DNAH11: variants seen among roughly 807,000 people sequenced by gnomAD.
DNAH11 encodes axonemal beta dynein heavy chain 11.
A neutral mutation model predicts 526.0 loss-of-function variants in DNAH11; 442 were observed. The ratio of observed to expected loss-of-function variants is 0.84; its 90% CI spans 0.78 to 0.91. The LOEUF is 0.91. Among genes scored for constraint, DNAH11 ranks in the 40% least tolerant of loss-of-function variants. The pLI, the probability that DNAH11 is intolerant of heterozygous loss-of-function variation, is 0.00. For missense variants in DNAH11, 6,989 were observed against 5,448.7 expected (o/e 1.28, Z -8.90); for synonymous variants, 2,461 against 1,935.9 (o/e 1.27, Z -7.12).
chr7:21,792,869 G>C (rs1788536377), intron 61 of DNAH11, among the ~76,000 whole-genome samples: 1 of 151,776 alleles, frequency 6.6e-6, no homozygotes, highest in African/African-American at 2.4e-5. Flanking sequence ...TTTAGTCTCA[G>C]TCATTTATTT....
intron 45 of DNAH11, among the ~76,000 whole-genome samples, chr7:21,735,131 C>T (rs1785546406): frequency 6.6e-6 from 1 of 152,202 alleles, no homozygotes; most frequent in African/African-American, 2.4e-5. Flanking sequence ...GATCATGCCA[C>T]TGCACTCCAG....
intron 27 of DNAH11, among the ~76,000 whole-genome samples, chr7:21,638,726 G>GTGTA (rs1786983150): frequency 6.7e-6 from 1 of 149,716 alleles, no homozygotes; most frequent in South Asian, 2.1e-4. Context: ...GTGTGTGTGT[G>GTGTA]TGTGTGTATT....
At chr7:21,556,774 A>G (rs1051301866) in intron 2 of DNAH11, among the ~76,000 whole-genome samples, 1 of 152,144 alleles carries the variant, frequency 6.6e-6, no homozygotes, top group Non-Finnish European at 1.5e-5. Context: ...AAGTGAGAAC[A>G]TGCATGGCCA....
chr7:21,825,772 A>G (rs189643870), intron 65 of DNAH11, among the ~76,000 whole-genome samples: 1 of 152,210 alleles, frequency 6.6e-6, no homozygotes, highest in Non-Finnish European at 1.5e-5. Flanking sequence ...AACCTGGCGA[A>G]CACGGTGAAA....
Position 21,655,974 on chromosome 7 carries a change from T to A in DNAH11, c.5087T>A (p.Val1696Glu), listed in dbSNP as rs781408519. The A allele has an allele frequency of 1.3e-6, 2 of 1,598,406 alleles. No individual in the cohort carries two copies. Among genetic ancestry groups the A allele is most frequent in the Non-Finnish European group, 1.7e-6 (2 of 1,170,606 alleles). Residue 1696 changes from valine (V) to glutamate (E), a missense_variant, in exon 29 of 82, where the codon GTG becomes GAG. Coordinates refer to ENST00000409508, the MANE Select transcript of DNAH11 (RefSeq NM_001277115.2). Reference sequence around the variant, plus strand: ...CCATTCCAAGCCGAGTGTGAATGTGTGGGCCATGTAAGATTTGATTATGAG... The same window carrying A: ...CCATTCCAAGCCGAGTGTGAATGTGAGGGCCATGTAAGATTTGATTATGAG... ...YVPFQAECEC[V>E]GHVETWLLQL...
chr7:21,583,173 C>G lies in DNAH11; in HGVS notation c.1710+1152C>G, dbSNP rs970520429. The stretch of plus-strand genomic sequence containing the variant: ...AACAAAGCTGGAGGCATCATGCTAC[C>G]TGACTTGAAACTACACTACAAGGCT... On this transcript the variant is annotated intron_variant, in intron 9 of 81. Transcript: ENST00000409508. Among the ~76,000 whole-genome samples, 4 of 152,242 alleles carry G rather than the reference C, an allele frequency of 2.6e-5. No individual in the cohort carries two copies. The South Asian group carries it at 6.2e-4, about 24-fold the overall frequency.
At chr7:21,862,424 G>T (rs1303274226) in intron 69 of DNAH11, among the ~76,000 whole-genome samples, 1 of 152,038 alleles carries the variant, frequency 6.6e-6, no homozygotes, top group Non-Finnish European at 1.5e-5. Flanking sequence ...ACAGCGACTG[G>T]GTTCGTCCAT....
intron 20 of DNAH11, among the ~76,000 whole-genome samples, chr7:21,612,288 G>A (rs532831588): frequency 8.5e-4 from 130 of 152,176 alleles, no homozygotes; most frequent in African/African-American, 2.8e-3. Context: ...GGGCATGGTG[G>A]CTCACGCCTG....
At chr7:21,660,421 C>G (rs7793951) in intron 30 of DNAH11, among the ~76,000 whole-genome samples, 90,385 of 151,414 alleles carry the variant, frequency 0.6, 27,102 homozygotes, top group Admixed American at 0.69. Flanking sequence ...TAACTCTTAT[C>G]TCCAACTTGT....
At chr7:21,587,646 T>C (rs1265712724) in intron 9 of DNAH11, among the ~76,000 whole-genome samples, 1 of 152,126 alleles carries the variant, frequency 6.6e-6, no homozygotes, top group East Asian at 1.9e-4. Context: ...ATTCATGCTG[T>C]GACCTAGAGG....
chr7:21,565,230 G>A (rs900657921), intron 6 of DNAH11, among the ~76,000 whole-genome samples: 8 of 152,134 alleles, frequency 5.3e-5, no homozygotes, highest in Non-Finnish European at 8.8e-5. Flanking sequence ...ATGGCTGGCT[G>A]CCTTCTCACT....
chr7:21,622,035 G>C (rs1329513034), intron 25 of DNAH11, among the ~76,000 whole-genome samples: 1 of 152,096 alleles, frequency 6.6e-6, no homozygotes, highest in Non-Finnish European at 1.5e-5. Flanking sequence ...AATTGTCCCT[G>C]TTTGCAGATG....
At chr7:21,610,190 C>T (rs1224226549) in intron 20 of DNAH11, among the ~76,000 whole-genome samples, 1 of 152,016 alleles carries the variant, frequency 6.6e-6, no homozygotes, top group East Asian at 1.9e-4. Context: ...GGAGGTGTAG[C>T]TTGCAGTGAG....
At chr7:21,594,910 G>A (rs919573990) in intron 14 of DNAH11, among the ~76,000 whole-genome samples, 30 of 152,254 alleles carry the variant, frequency 2.0e-4, no homozygotes, top group African/African-American at 6.5e-4. Flanking sequence ...GAGATTTTGA[G>A]AAGGGGAGTA....
intron 73 of DNAH11, among the ~76,000 whole-genome samples, chr7:21,870,412 C>T (rs894425515): frequency 6.6e-6 from 1 of 152,132 alleles, no homozygotes; most frequent in Non-Finnish European, 1.5e-5. Flanking sequence ...TAGATGAGGC[C>T]TTAATAGAGA....
rs977472448 is a variant in DNAH11, at chr7:21,756,087, T to C, written c.8940+5723T>C. ...TTAAAAATGTTAAATTTTTATTTTA[T>C]GGCTTTCATGTGTTAAGGCTTTTTT... On this transcript the variant is annotated intron_variant, in intron 54 of 81. Coordinates refer to ENST00000409508, the MANE Select transcript of DNAH11 (RefSeq NM_001277115.2). Among the ~76,000 whole-genome samples the C allele has an allele frequency of 2.6e-5, 4 of 152,132 alleles. No individual in the cohort carries two copies. The South Asian group carries it at 6.2e-4, about 24-fold the overall frequency.
chr7:21,809,693 A>T (rs1789423657), intron 63 of DNAH11, among the ~76,000 whole-genome samples: 1 of 151,750 alleles, frequency 6.6e-6, no homozygotes, highest in South Asian at 2.1e-4. Context: ...CCTCCCAAGT[A>T]GCTGGGATTA....
In DNAH11 at chr7:21,856,581, C is replaced by A. The variant is rs188791178; in HGVS notation, c.11202+2126C>A. 2.0e-5 allele frequency among the ~76,000 whole-genome samples: 3 copies of A among 152,190 alleles called. No homozygotes were observed. The East Asian group carries it at 5.8e-4, about 29-fold the overall frequency. On this transcript the variant is annotated intron_variant, in intron 68 of 81. Coordinates refer to ENST00000409508, the MANE Select transcript of DNAH11 (RefSeq NM_001277115.2). ...TTGTAAACATTGTTGGTAAACTCCT[C>A]CAGAAAATGTTGGCAAATTGAATCC...
chr7:21,790,327 G>C (rs1392029294), intron 61 of DNAH11, among the ~76,000 whole-genome samples: 3 of 152,002 alleles, frequency 2.0e-5, no homozygotes, highest in African/African-American at 7.2e-5. Context: ...GCGGGTGACT[G>C]TAGTCCCAGC....
Sources: allele counts gnomAD v4.1 joint callset (sites outside exome capture counted in the v4.1 genomes callset), GRCh38; gene constraint gnomAD v4.1.1; transcripts MANE v1.5; gene names NCBI Gene and HGNC (gene_info 2026-07-23, HGNC 2026-07-21).